The following TIAM2 variants were observed in gnomAD, a reference collection of about 807,000 sequenced individuals.
TIAM2 encodes the protein rho guanine nucleotide exchange factor TIAM2.
TIAM2 carries 80 observed loss-of-function variants against 152.9 expected under a neutral mutation model. The ratio of observed to expected loss-of-function variants is 0.52; its 90% CI spans 0.44 to 0.63. The LOEUF is 0.63. Among genes scored for constraint, TIAM2 ranks in the 30% least tolerant of loss-of-function variants. The pLI, the probability that TIAM2 is intolerant of heterozygous loss-of-function variation, is 0.00. For synonymous variants in TIAM2, 804 were observed against 838.0 expected (o/e 0.96, Z 0.70); for missense variants, 1,965 against 2,120.1 (o/e 0.93, Z 1.44).
In TIAM2 at chr6:155,257,074, G is replaced by A. The variant is rs1470574659; in HGVS notation, c.5059G>A (p.Val1687Ile). The change falls in exon 27 of 27, where the codon GTC (valine) becomes ATC (isoleucine). Residue 1687 changes from valine to isoleucine, a missense_variant. Physicochemically the swap from Val to Ile is conservative, Grantham distance 29. Transcript: ENST00000682666. ...EFSVQSLTSVVSEECFYETES... is the reference protein window; with the variant it reads ...EFSVQSLTSVISEECFYETES... ...CAGTGTCCAGAGTTTAACATCTGTTGTCAGTGAGGAGTGTTTTTATGAAAC... is the reference window on the plus strand; with the variant it reads ...CAGTGTCCAGAGTTTAACATCTGTTATCAGTGAGGAGTGTTTTTATGAAAC... 6.2e-7 allele frequency: 1 copy of A among 1,613,292 alleles called. No individual in the cohort carries two copies. Among genetic ancestry groups the A allele is most frequent in the South Asian group, 1.1e-5 (1 of 91,050 alleles).
At chr6:155,240,953 T>G (rs770488966) in intron 16 of TIAM2, among the ~76,000 whole-genome samples, 2 of 152,228 alleles carry the variant, frequency 1.3e-5, no homozygotes, top group Non-Finnish European at 2.9e-5. Flanking sequence ...GCTTTCACTA[T>G]GGAAACAGAT....
chr6:155,168,348 G>T (rs892139916), intron 9 of TIAM2, among the ~76,000 whole-genome samples: 18 of 150,546 alleles, frequency 1.2e-4, no homozygotes, highest in African/African-American at 2.9e-4. Flanking sequence ...TATCAAGAAT[G>T]AATTTATTTA....
At chr6:155,251,672 G>A (rs1783662940) in intron 22 of TIAM2, among the ~76,000 whole-genome samples, 1 of 152,196 alleles carries the variant, frequency 6.6e-6, no homozygotes, top group Admixed American at 6.5e-5. Context: ...TATTGTCACT[G>A]AGATGAACAC....
At chr6:155,206,119 C>T (rs766442390) in intron 14 of TIAM2, among the ~76,000 whole-genome samples, 2 of 152,178 alleles carry the variant, frequency 1.3e-5, no homozygotes, top group Non-Finnish European at 2.9e-5. Context: ...GCTGAATGAC[C>T]AGGTGTCTCA....
intron 1 of TIAM2, among the ~76,000 whole-genome samples, chr6:155,053,466 C>CCT (rs1554227104): frequency 7.9e-6 from 1 of 127,312 alleles, no homozygotes; most frequent in African/African-American, 3.0e-5. Flanking sequence ...ATTCTTGCAG[C>CCT]TTTTTTTTTT....
intron 14 of TIAM2, among the ~76,000 whole-genome samples, chr6:155,204,640 A>C (rs1218182839): frequency 6.6e-6 from 1 of 152,228 alleles, no homozygotes; most frequent in Non-Finnish European, 1.5e-5. Flanking sequence ...TTTGGATATG[A>C]GAGTATTAAA....
chr6:155,253,272 G>T, intron 24 of TIAM2: 3 of 508,934 alleles, frequency 5.9e-6, no homozygotes, highest in Middle Eastern at 5.2e-4. Context: ...GCCTTTCATT[G>T]TTTCCTTATT....
intron 2 of TIAM2, among the ~76,000 whole-genome samples, chr6:155,107,995 G>T (rs1778740853): frequency 6.6e-6 from 1 of 152,206 alleles, no homozygotes; most frequent in African/African-American, 2.4e-5. Flanking sequence ...GAGCTTTATT[G>T]AAGTCATTGT....
chr6:155,170,739 C>T (rs967600719), intron 9 of TIAM2, among the ~76,000 whole-genome samples: 1 of 152,210 alleles, frequency 6.6e-6, no homozygotes, highest in Admixed American at 6.5e-5. Context: ...GGGCTCAAAT[C>T]AACAGGTCCC....
At chr6:155,044,774 C>T (rs1047115227) in intron 1 of TIAM2, among the ~76,000 whole-genome samples, 4 of 151,740 alleles carry the variant, frequency 2.6e-5, no homozygotes, top group South Asian at 4.2e-4. Context: ...ATTGCACCAC[C>T]GCACTCCAGC....
intron 5 of TIAM2, among the ~76,000 whole-genome samples, chr6:155,138,797 G>T (rs1000702144): frequency 6.6e-6 from 1 of 151,766 alleles, no homozygotes; most frequent in Admixed American, 6.6e-5. Context: ...AGTATTCTGT[G>T]GTGTATATGT....
chr6:155,244,282 A>G (rs1018483958), intron 17 of TIAM2, among the ~76,000 whole-genome samples: 3 of 152,220 alleles, frequency 2.0e-5, no homozygotes, highest in Admixed American at 6.5e-5. Flanking sequence ...AGTGTTTACA[A>G]AGGCAGAGGG....
intron 1 of TIAM2, among the ~76,000 whole-genome samples, chr6:155,087,365 A>T (rs1334996929): frequency 6.6e-6 from 1 of 152,222 alleles, no homozygotes; most frequent in Non-Finnish European, 1.5e-5. Flanking sequence ...GTAAAATATT[A>T]CAAGTCTTGG....
intron 5 of TIAM2, among the ~76,000 whole-genome samples, chr6:155,143,157 T>C (rs1350058173): frequency 3.3e-5 from 5 of 152,184 alleles, no homozygotes; most frequent in Non-Finnish European, 7.3e-5. Flanking sequence ...ATTCGTATGC[T>C]GGAGGTTGCC....
intron 20 of TIAM2, among the ~76,000 whole-genome samples, chr6:155,248,885 C>T (rs1413985037): frequency 1.3e-5 from 2 of 152,202 alleles, no homozygotes; most frequent in Non-Finnish European, 1.5e-5. Flanking sequence ...GGCTTATTAA[C>T]ACTTTAGTAT....
intron 2 of TIAM2, among the ~76,000 whole-genome samples, chr6:155,094,831 C>T (rs1562314166): frequency 1.3e-5 from 2 of 151,592 alleles, no homozygotes; most frequent in African/African-American, 2.4e-5. Flanking sequence ...GATCCGCCCG[C>T]GTCAGCCTCC....
At chr6:155,030,817 C>A (rs1458758222) in intron 1 of TIAM2, among the ~76,000 whole-genome samples, 1 of 152,154 alleles carries the variant, frequency 6.6e-6, no homozygotes. Context: ...GTTCCATAGC[C>A]TTCCAGACAA....
At chr6:155,079,185 C>A (rs1778013088) in intron 1 of TIAM2, among the ~76,000 whole-genome samples, 1 of 152,056 alleles carries the variant, frequency 6.6e-6, no homozygotes, top group Non-Finnish European at 1.5e-5. Flanking sequence ...CGTCAGCCTC[C>A]CGAGTAGCAG....
At chr6:155,208,659 C>T (rs1268295191) in intron 14 of TIAM2, among the ~76,000 whole-genome samples, 1 of 152,234 alleles carries the variant, frequency 6.6e-6, no homozygotes, top group South Asian at 2.1e-4. Flanking sequence ...AACCAGGCGT[C>T]TCCCTCGATG....
Sources: gnomAD v4.1 joint callset for allele counts (sites outside exome capture counted in the v4.1 genomes callset) on GRCh38, gnomAD v4.1.1 for gene constraint, MANE v1.5 for transcripts, NCBI Gene and HGNC (gene_info 2026-07-23, HGNC 2026-07-21) for gene names.